HDAC6: variants seen among roughly 807,000 people sequenced by gnomAD.
The protein encoded by HDAC6 is protein deacetylase HDAC6.
In HDAC6, 5 loss-of-function variants were observed where a neutral mutation model predicts 88.9. The ratio of observed to expected loss-of-function variants is 0.06; its 90% CI spans 0.03 to 0.12. The LOEUF is 0.12. Among genes scored for constraint, HDAC6 ranks in the 10% least tolerant of loss-of-function variants. HDAC6 has a pLI of 1.00. For missense variants in HDAC6, 706 were observed against 1,014.4 expected (o/e 0.70, Z 4.13); for synonymous variants, 378 against 398.0 (o/e 0.95, Z 0.60).
intron 19 of HDAC6, 56 bp from the exon 20 acceptor site, chrX:48,817,267 AAAG>A: frequency 9.3e-7 from 1 of 1,072,951 alleles, no homozygotes. Context: ...AAAAAAAAAA[AAAG>A]GAAGAAAGGA....
intron 10 of HDAC6, among the ~76,000 whole-genome samples, chrX:48,808,903 A>G (rs1557025228): frequency 8.9e-6 from 1 of 112,212 alleles, no homozygotes; most frequent in African/African-American, 3.2e-5. Flanking sequence ...TATTATTGTT[A>G]TAATTATTAA....
chrX:48,801,794 T>G (rs1557022375), upstream of HDAC6: 4 of 931,689 alleles, frequency 4.3e-6, no homozygotes, highest in African/African-American at 6.0e-5. Flanking sequence ...CACGGTCCCC[T>G]CTGGAGGCGG....
Position 48,815,499 on chromosome X carries a change from CG to C in HDAC6, c.1256+11del. The stretch of plus-strand genomic sequence containing the variant: ...GGTGCCCCCTGCCGGAGGTGAGCCC[CG>C]GTGGAGGAGGGGAAAGCGGGAGCCT... On this transcript the variant is annotated intron_variant, in intron 15 of 28. Transcript: ENST00000334136. 8.3e-7 allele frequency: 1 copy of C among 1,200,079 alleles called. No individual in the cohort carries two copies. Among genetic ancestry groups the C allele is most frequent in the African/African-American group, 1.7e-5 (1 of 57,595 alleles).
At chrX:48,818,726 A>G (rs1474571384) in intron 22 of HDAC6, among the ~76,000 whole-genome samples, 1 of 112,340 alleles carries the variant, frequency 8.9e-6, no homozygotes, top group African/African-American at 3.2e-5. Context: ...TGTGCGTGCC[A>G]TCACAAGTGC....
At position 48,818,431 on chromosome X, in the gene HDAC6, C is replaced by G; in HGVS notation, c.2187+19C>G. On this transcript the variant is annotated intron_variant, in intron 22 of 28. Transcript: ENST00000334136. ...CTACGAGGTACAGCTCAGGATAGAT[C>G]GCAGGACGTATGTGACACGCCTGTG... 8.8e-7 allele frequency: 1 copy of G among 1,135,592 alleles called. No individual in the cohort carries two copies. The highest frequency in any genetic ancestry group is 1.2e-6 in the Non-Finnish European group (1 of 853,013). The allele number at this position is 1,135,592 out of a possible 1,213,427, so 93.6% of individuals were successfully genotyped here. A position where few individuals can be genotyped will look rare whatever the true frequency, so the allele number is the denominator to read the frequency against.
At chrX:48,809,346 T>A (rs868930347) in intron 10 of HDAC6, among the ~76,000 whole-genome samples, 2 of 111,944 alleles carry the variant, frequency 1.8e-5, no homozygotes, top group South Asian at 7.4e-4. Context: ...CGAGTATCCC[T>A]TATATGAAGT....
At chrX:48,807,444 G>T (rs782073877) in intron 8 of HDAC6, among the ~76,000 whole-genome samples, 3 of 113,218 alleles carry the variant, frequency 2.6e-5, no homozygotes, top group East Asian at 5.5e-4. Context: ...AACACAGGTT[G>T]TGGGCTAAGT....
intron 10 of HDAC6, among the ~76,000 whole-genome samples, chrX:48,811,381 T>C (rs1386899448): frequency 1.8e-5 from 2 of 112,589 alleles, no homozygotes; most frequent in African/African-American, 6.4e-5. Flanking sequence ...ATTATTTTTT[T>C]CTTGGTCCTT....
intron 5 of HDAC6, 29 bp downstream of exon 5, chrX:48,805,551 G>A: frequency 5.1e-6 from 6 of 1,186,648 alleles, no homozygotes; most frequent in Non-Finnish European, 6.9e-6. Context: ...CACTCTGGGT[G>A]AAGGGCAGGG....
intron 19 of HDAC6, chrX:48,817,118 A>G (rs939634828): frequency 3.3e-5 from 11 of 336,365 alleles, no homozygotes; most frequent in Non-Finnish European, 5.0e-5. Context: ...CGGGCGTGGC[A>G]GCAAGCGCCT....
upstream of HDAC6, chrX:48,801,595 T>C (rs1182884326): frequency 4.4e-6 from 1 of 225,034 alleles, no homozygotes; most frequent in African/African-American, 3.1e-5. Flanking sequence ...ACCGCAGCCC[T>C]GTCGGGAACC....
intron 4 of HDAC6, among the ~76,000 whole-genome samples, chrX:48,805,204 A>G (rs1436168287): frequency 9.0e-6 from 1 of 111,500 alleles, no homozygotes; most frequent in African/African-American, 3.3e-5. Context: ...TGAGGTGGCG[A>G]GGGTCGAAGC....
At position 48,803,385 on chromosome X, in the gene HDAC6, A is replaced by T; in HGVS notation, c.311+169A>T. 9.0e-6 allele frequency: 4 copies of T among 445,402 alleles called. No individual in the cohort carries two copies. In the South Asian group the frequency reaches 1.0e-4, roughly 11 times the overall value. The allele number at this position is 445,402 out of a possible 1,213,427, so 36.7% of individuals were successfully genotyped here. On this transcript the variant is annotated intron_variant, in intron 4 of 28. Coordinates refer to ENST00000334136, the MANE Select transcript of HDAC6 (RefSeq NM_006044.4). Reference sequence around the variant, plus strand: ...TCTTTTATGTAGCTAACAAACATTTATTGAGTGCCTATTGTGTGCCAAGAG... The same window carrying T: ...TCTTTTATGTAGCTAACAAACATTTTTTGAGTGCCTATTGTGTGCCAAGAG...
chrX:48,801,958 G>T, upstream of HDAC6: 1 of 967,363 alleles, frequency 1.0e-6, no homozygotes, highest in Non-Finnish European at 1.3e-6. Flanking sequence ...AGTACAGCGC[G>T]TCGACGGCGG....
Position 48,822,914 on chromosome X carries a change from G to A in HDAC6, c.2515G>A (p.Val839Ile). 8.5e-7 allele frequency: 1 copy of A among 1,180,036 alleles called. No homozygotes were observed. The highest frequency in any genetic ancestry group is 1.9e-5 in the South Asian group (1 of 52,283). The change falls in exon 25 of 29, where the codon GTA becomes ATA. Residue 839 changes from valine to isoleucine, a missense_variant and splice_region_variant. This residue lies in a region of HDAC6 where 138 missense variants were observed against 303.5 expected (regional missense o/e 0.45). Transcript: ENST00000334136. Reference sequence around the variant, plus strand: ...AGGATCTCCCTCCCTGGTTCCAGAGGTAGAAGACAGAGAAGGACCCTCCAG... The same window carrying A: ...AGGATCTCCCTCCCTGGTTCCAGAGATAGAAGACAGAGAAGGACCCTCCAG... ...RYWRSLRVMK[V>I]EDREGPSSSK...
At chrX:48,812,181 T>C (rs1269008320) in intron 10 of HDAC6, among the ~76,000 whole-genome samples, 13 of 112,668 alleles carry the variant, frequency 1.2e-4, no homozygotes, top group Non-Finnish European at 1.9e-5. Context: ...GGGTACACTA[T>C]TGATTACACA....
chrX:48,802,746 G>T lies in HDAC6; in HGVS notation c.54G>T (p.Gln18His). The T allele has an allele frequency of 8.3e-7, 1 of 1,208,968 alleles. No homozygotes were observed. The highest frequency in any genetic ancestry group is 2.3e-4 in the Middle Eastern group (1 of 4,353). Residue 18 changes from glutamine (Q) to histidine (H), a missense_variant, in exon 2 of 29, where the codon CAG becomes CAT. This residue lies in a region of HDAC6 where 193 missense variants were observed against 258.2 expected (regional missense o/e 0.75). Transcript: ENST00000334136. Reference sequence around the variant, plus strand: ...CAACCAGGCAGCGAAGAAGTAGGCAGAACCCCCAGTCGCCCCCTCAGGACT... The same window carrying T: ...CAACCAGGCAGCGAAGAAGTAGGCATAACCCCCAGTCGCCCCCTCAGGACT... ...STTTRQRRSR[Q>H]NPQSPPQDSS...
chrX:48,821,491 CTTTT>C (rs869154128), intron 23 of HDAC6, among the ~76,000 whole-genome samples: 991 of 77,456 alleles, frequency 0.013, 8 homozygotes, highest in Middle Eastern at 0.036. Flanking sequence ...ATACCTGCCT[CTTTT>C]TTTTTTTTTT....
upstream of HDAC6, chrX:48,802,040 G>A: frequency 3.2e-6 from 3 of 932,222 alleles, no homozygotes; most frequent in Admixed American, 3.5e-5. Flanking sequence ...AAACGTTAGC[G>A]GTCGGGTCTG....
Sources: allele counts gnomAD v4.1 joint callset (sites outside exome capture counted in the v4.1 genomes callset), GRCh38; gene constraint gnomAD v4.1.1; regional missense constraint gnomAD v4.1.1; transcripts MANE v1.5; gene names NCBI Gene and HGNC (gene_info 2026-07-23, HGNC 2026-07-21).